The following KCNMB2 variants were observed in gnomAD, a reference collection of about 807,000 sequenced individuals.
The protein encoded by KCNMB2 is calcium-activated potassium channel subunit beta-2.
Under a neutral mutation model 24.5 loss-of-function variants are expected in KCNMB2, and 9 were observed. The ratio of observed to expected loss-of-function variants is 0.37; its 90% confidence interval spans 0.22 to 0.64. The LOEUF (loss-of-function observed/expected upper bound fraction) is 0.64. Among genes scored for constraint, KCNMB2 ranks in the 30% least tolerant of loss-of-function variants. KCNMB2 has a pLI of 0.63. For missense variants in KCNMB2, 226 were observed against 284.3 expected (o/e 0.79, Z 1.47); for synonymous variants, 109 against 104.4 (o/e 1.04, Z -0.27).
intron 2 of KCNMB2, among the ~76,000 whole-genome samples, chr3:178,824,924 G>GT (rs1220816005): frequency 6.6e-6 from 1 of 152,072 alleles, no homozygotes; most frequent in Non-Finnish European, 1.5e-5. Context: ...TAATAAAATT[G>GT]TCCAAAGTTA....
intron 1 of KCNMB2, among the ~76,000 whole-genome samples, chr3:178,643,291 T>C (rs1719792379): frequency 6.6e-6 from 1 of 152,152 alleles, no homozygotes; most frequent in African/African-American, 2.4e-5. Flanking sequence ...TATAAAGATG[T>C]CAGTCACATG....
intron 1 of KCNMB2, among the ~76,000 whole-genome samples, chr3:178,759,651 A>ATATATG: frequency 9.7e-6 from 1 of 102,750 alleles, no homozygotes; most frequent in African/African-American, 3.6e-5. Context: ...ATATATATAT[A>ATATATG]TCTCCAAGAG....
intron 2 of KCNMB2, among the ~76,000 whole-genome samples, chr3:178,808,985 C>T (rs1157269796): frequency 6.6e-6 from 1 of 152,130 alleles, no homozygotes; most frequent in Non-Finnish European, 1.5e-5. Flanking sequence ...TGACACCAAG[C>T]AGATTAACTG....
intron 1 of KCNMB2, among the ~76,000 whole-genome samples, chr3:178,774,529 T>G (rs1417999280): frequency 6.6e-6 from 1 of 152,146 alleles, no homozygotes; most frequent in Non-Finnish European, 1.5e-5. Flanking sequence ...TACATGGAGA[T>G]GGGCTCTGAA....
chr3:178,691,722 A>G (rs1252118189), intron 1 of KCNMB2, among the ~76,000 whole-genome samples: 1 of 152,148 alleles, frequency 6.6e-6, no homozygotes, highest in Non-Finnish European at 1.5e-5. Flanking sequence ...GAACATACGC[A>G]TGCATGTGTC....
At chr3:178,641,628 T>C (rs2126687) in intron 1 of KCNMB2, among the ~76,000 whole-genome samples, 104,320 of 151,972 alleles carry the variant, frequency 0.69, 36,338 homozygotes, top group African/African-American at 0.82. Context: ...AGCTTTTTTT[T>C]CTTTTTCCCC....
intron 3 of KCNMB2, among the ~76,000 whole-genome samples, chr3:178,827,554 C>T (rs556993121): frequency 8.5e-4 from 129 of 152,252 alleles, no homozygotes; most frequent in African/African-American, 3.0e-3. Context: ...TGTAAATTAC[C>T]AATTAGGGTG....
In KCNMB2 at chr3:178,691,107, C is replaced by CTTTTTTTTTTTTTTTTTTTTTTTTTTTT. The variant is rs71181241; in HGVS notation, c.-67-116216_-67-116215insTTTTTTTTTTTTTTTTTTTTTTTTTTTT. Reference sequence around the variant, plus strand: ...TGTACAGCATAATTCCCCATTAAGTCTTTTTTTTTTTTTTTTTTTTGATAG... The same window carrying CTTTTTTTTTTTTTTTTTTTTTTTTTTTT: ...TGTACAGCATAATTCCCCATTAAGTCTTTTTTTTTTTTTTTTTTTTTTTTTTTTTTTTTTTTTTTTTTTTTTTTGATAG... On this transcript the variant is annotated intron_variant, in intron 1 of 4. Coordinates refer to ENST00000452583, the MANE Select transcript of KCNMB2 (RefSeq NM_181361.3). Among the ~76,000 whole-genome samples the CTTTTTTTTTTTTTTTTTTTTTTTTTTTT allele has an allele frequency of 7.3e-4, 58 of 79,720 alleles. 6 individuals carry two copies. Among genetic ancestry groups the CTTTTTTTTTTTTTTTTTTTTTTTTTTTT allele is most frequent in the African/African-American group, 1.1e-3 (18 of 16,302 alleles). The allele number at this position is 79,720 out of a possible 152,430, so 52.3% of individuals were successfully genotyped here.
rs74984188 is a variant in KCNMB2, at chr3:178,810,414, A to G, written c.56+2949A>G. On this transcript the variant is annotated intron_variant, in intron 2 of 4. Coordinates refer to ENST00000452583, the MANE Select transcript of KCNMB2 (RefSeq NM_181361.3). Reference sequence around the variant, plus strand: ...TCCTGAGAACAGGGCCAAATGTGTCAGTATATCGGATTCCCTGGGATTCCT... The same window carrying G: ...TCCTGAGAACAGGGCCAAATGTGTCGGTATATCGGATTCCCTGGGATTCCT... Among the ~76,000 whole-genome samples, 115 of 152,282 alleles carry G rather than the reference A, an allele frequency of 7.6e-4. 2 individuals carry two copies. In the East Asian group the frequency reaches 0.021, roughly 27 times the overall value.
At chr3:178,580,412 A>C (rs1312758434) in intron 1 of KCNMB2, among the ~76,000 whole-genome samples, 1 of 152,234 alleles carries the variant, frequency 6.6e-6, no homozygotes, top group Non-Finnish European at 1.5e-5. Context: ...AGCCAATATC[A>C]TACTGAATGG....
Position 178,655,095 on chromosome 3 carries a change from CCTCTCTCTCTCTCT to C in KCNMB2, c.-68+118419_-68+118432del, listed in dbSNP as rs67468527. On this transcript the variant is annotated intron_variant, in intron 1 of 4. Coordinates refer to ENST00000452583, the MANE Select transcript of KCNMB2 (RefSeq NM_181361.3). ...TAAAGTTCAGTAAATATTAGCTCTC[CCTCTCTCTCTCTCT>C]CTCTCTCTCTCTCTCTCTCTCTCTC... 4.1e-3 allele frequency among the ~76,000 whole-genome samples: 454 copies of C among 111,130 alleles called. 1 individual carries two copies. The highest frequency in any genetic ancestry group is 6.4e-3 in the Middle Eastern group (1 of 156). The allele number at this position is 111,130 out of a possible 152,430, so 72.9% of individuals were successfully genotyped here.
chr3:178,766,805 G>C (rs911607223), intron 1 of KCNMB2, among the ~76,000 whole-genome samples: 16 of 152,286 alleles, frequency 1.1e-4, no homozygotes, highest in African/African-American at 3.4e-4. Flanking sequence ...TATAATTTTA[G>C]AGAGTAATTA....
chr3:178,768,786 C>G (rs771567416), intron 1 of KCNMB2, among the ~76,000 whole-genome samples: 1 of 152,104 alleles, frequency 6.6e-6, no homozygotes, highest in Non-Finnish European at 1.5e-5. Flanking sequence ...CTTATTTCCC[C>G]CACATAAACA....
At chr3:178,614,993 G>C (rs1285135248) in intron 1 of KCNMB2, among the ~76,000 whole-genome samples, 1 of 152,344 alleles carries the variant, frequency 6.6e-6, no homozygotes, top group Admixed American at 6.5e-5. Flanking sequence ...ACCACAAGAC[G>C]AGTAATGCTG....
At chr3:178,777,646 T>A (rs537940614) in intron 1 of KCNMB2, among the ~76,000 whole-genome samples, 1 of 152,274 alleles carries the variant, frequency 6.6e-6, no homozygotes, top group African/African-American at 2.4e-5. Context: ...CCACTAAAGG[T>A]GTTTAACCAA....
chr3:178,574,011 T>C (rs1292266256), intron 1 of KCNMB2, among the ~76,000 whole-genome samples: 1 of 152,162 alleles, frequency 6.6e-6, no homozygotes, highest in Non-Finnish European at 1.5e-5. Flanking sequence ...TGGCATAATA[T>C]ACATTAAAGC....
intron 1 of KCNMB2, among the ~76,000 whole-genome samples, chr3:178,644,864 C>A (rs972804199): frequency 6.6e-6 from 1 of 151,880 alleles, no homozygotes; most frequent in Admixed American, 6.6e-5. Flanking sequence ...AGTTTACCCA[C>A]CTATAAAATA....
At chr3:178,607,903 A>G (rs186673440) in intron 1 of KCNMB2, among the ~76,000 whole-genome samples, 1 of 152,334 alleles carries the variant, frequency 6.6e-6, no homozygotes, top group East Asian at 1.9e-4. Flanking sequence ...TCAGCTAGCA[A>G]GAATGAACAC....
intron 1 of KCNMB2, among the ~76,000 whole-genome samples, chr3:178,694,840 G>T (rs1048055220): frequency 6.6e-6 from 1 of 152,174 alleles, no homozygotes; most frequent in Non-Finnish European, 1.5e-5. Context: ...GCTTTTCCAG[G>T]TGTACGGTGC....
Sources: allele counts gnomAD v4.1 joint callset (sites outside exome capture counted in the v4.1 genomes callset), GRCh38; gene constraint gnomAD v4.1.1; transcripts MANE v1.5; gene names NCBI Gene and HGNC (gene_info 2026-07-23, HGNC 2026-07-21).